Variants in POLDIP2 observed in about 807,000 individuals in gnomAD.
POLDIP2 encodes the protein polymerase delta-interacting protein 2.
In POLDIP2, 32 loss-of-function variants were observed where a neutral mutation model predicts 52.9. That is an observed-to-expected ratio of 0.61 (90% CI 0.46 to 0.81). The LOEUF (loss-of-function observed/expected upper bound fraction) is 0.81. Ranked by LOEUF, POLDIP2 falls within the 40% of genes least tolerant of loss-of-function variation. The pLI, the probability that POLDIP2 is intolerant of heterozygous loss-of-function variation, is 0.00. For missense variants in POLDIP2, 371 were observed against 477.3 expected, an observed-to-expected ratio of 0.78 and a Z score of 2.07; for synonymous variants, 183 against 183.0, an observed-to-expected ratio of 1.00 and a Z score of 0.00.
rs1555580548 is a variant in POLDIP2 at position 28,354,390 on chromosome 17, G to T, written c.341+98C>A. On this transcript the variant is annotated intron_variant, in intron 3 of 10. Coordinates refer to ENST00000540200, the MANE Select transcript of POLDIP2 (RefSeq NM_015584.5). ...GAAGTACTCTGGGGATGTTTCCAAGGCCTAGGAGGACGCTGTCTTCACCCC... is the reference window on the plus strand; with the variant it reads ...GAAGTACTCTGGGGATGTTTCCAAGTCCTAGGAGGACGCTGTCTTCACCCC... 4 of 831,846 alleles carry T rather than the reference G, an allele frequency of 4.8e-6. No individual in the cohort carries two copies. In the African/African-American group the frequency reaches 5.1e-5, roughly 11 times the overall value. The allele number at this position is 831,846 out of a possible 1,614,324, so 51.5% of individuals were successfully genotyped here. A position where few individuals can be genotyped will look rare whatever the true frequency, so the allele number is the denominator to read the frequency against.
intron 6 of POLDIP2, among the ~76,000 whole-genome samples, chr17:28,352,195 G>A (rs1367579703): frequency 6.6e-6 from 1 of 151,250 alleles, no homozygotes; most frequent in South Asian, 2.1e-4. Context: ...GCTCTAACAG[G>A]AGGTTGAAAA....
In POLDIP2 at chr17:28,350,760, A is replaced by G. The variant is rs782411707; in HGVS notation, c.786+6T>C. 1 of 1,596,958 alleles carries G rather than the reference A, an allele frequency of 6.3e-7. No individual in the cohort carries two copies. Among genetic ancestry groups the G allele is most frequent in the South Asian group, 1.1e-5 (1 of 87,942 alleles). ...AGCTCCCCTTCTCCCAGACAGTGAC[A>G]CTCACCCAGTACACGTGGGAATTCT... On this transcript the variant is annotated splice_donor_region_variant and intron_variant, in intron 8 of 10. Transcript: ENST00000540200.
chr17:28,353,321 G>A lies in POLDIP2; in HGVS notation c.439-5C>T, dbSNP rs1555580371. 3.9e-6 allele frequency: 6 copies of A among 1,535,986 alleles called. No homozygotes were observed. The Admixed American group carries it at 8.6e-5, about 22-fold the overall frequency. ...TTCTGTCTGAGATCTCTGAGACTAA[G>A]GCAAGAAGTGAATCAGTGGTGAAAC... On this transcript the variant is annotated splice_polypyrimidine_tract_variant and splice_region_variant and intron_variant, in intron 4 of 10. Coordinates refer to ENST00000540200, the MANE Select transcript of POLDIP2 (RefSeq NM_015584.5).
rs782300657 is a variant in POLDIP2, at chr17:28,350,748, CCAGA to C, written c.786+14_786+17del. 5.3e-5 allele frequency: 85 copies of C among 1,596,860 alleles called. No individual in the cohort carries two copies. Among genetic ancestry groups the C allele is most frequent in the South Asian group, 1.1e-4 (10 of 87,996 alleles). On this transcript the variant is annotated intron_variant, in intron 8 of 10. Coordinates refer to ENST00000540200, the MANE Select transcript of POLDIP2 (RefSeq NM_015584.5). ...GCACACCCCACAAGCTCCCCTTCTC[CCAGA>C]CAGTGACACTCACCCAGTACACGTG...
rs150639318 is a variant in POLDIP2 at position 28,346,937 on chromosome 17, CTG to C, written c.*1178_*1179del. 1.6e-3 allele frequency: 238 copies of C among 152,304 alleles called. 1 individual carries two copies. The highest frequency in any genetic ancestry group is 5.5e-3 in the African/African-American group (228 of 41,564). 9.4% of individuals were successfully genotyped at this position (152,304 alleles called of 1,614,324 possible). On this transcript the variant is annotated 3_prime_UTR_variant, in exon 11 of 11. Transcript: ENST00000540200. ...AAAGAATTTTTCCTTTATCACATAA[CTG>C]TAATATTTGGTTGCTCAGCATAAGT...
chr17:28,349,660 C>T, intron 9 of POLDIP2, among the ~76,000 whole-genome samples: 1 of 107,108 alleles, frequency 9.3e-6, no homozygotes, highest in East Asian at 2.7e-4. Flanking sequence ...GAGATATCCC[C>T]TCCAGTGTCC....
In POLDIP2 at chr17:28,350,751, G is replaced by C; in HGVS notation, c.786+15C>G. ...CACCCCACAAGCTCCCCTTCTCCCAGACAGTGACACTCACCCAGTACACGT... is the reference window on the plus strand; with the variant it reads ...CACCCCACAAGCTCCCCTTCTCCCACACAGTGACACTCACCCAGTACACGT... On this transcript the variant is annotated intron_variant, in intron 8 of 10. Transcript: ENST00000540200. 1 of 1,596,802 alleles carries C rather than the reference G, an allele frequency of 6.3e-7. No individual in the cohort carries two copies. The highest frequency in any genetic ancestry group is 8.5e-7 in the Non-Finnish European group (1 of 1,171,496).
chr17:28,355,406 G>C (rs782046230), intron 2 of POLDIP2, among the ~76,000 whole-genome samples: 1 of 152,196 alleles, frequency 6.6e-6, no homozygotes, highest in African/African-American at 2.4e-5. Context: ...TCGGGAGCTC[G>C]AGACCAGCCT....
Position 28,354,611 on chromosome 17 carries a change from A to T in POLDIP2, c.244-26T>A, listed in dbSNP as rs782667147. 27 of 1,462,648 alleles carry T rather than the reference A, an allele frequency of 1.8e-5. No individual in the cohort carries two copies. In the South Asian group the frequency reaches 3.2e-4, roughly 17 times the overall value. 90.6% of individuals were successfully genotyped at this position (1,462,648 alleles called of 1,614,324 possible). A position where few individuals can be genotyped will look rare whatever the true frequency, so the allele number is the denominator to read the frequency against. ...CTGGAAGGAAAGAGGGGCCTCAGTG[A>T]GTCTGCAGTCCAGCAAATCCATCCA... On this transcript the variant is annotated intron_variant, in intron 2 of 10. Transcript: ENST00000540200.
At chr17:28,356,010 C>G in intron 1 of POLDIP2, 134 bp from the exon 2 acceptor site, 1 of 662,482 alleles carries the variant, frequency 1.5e-6, no homozygotes, top group East Asian at 2.8e-5. Context: ...GTGGGACCAG[C>G]TGGAGCAGGA....
chr17:28,350,884 G>A (rs1907772371), intron 7 of POLDIP2, 92 bp from the exon 8 acceptor site: 1 of 1,073,610 alleles, frequency 9.3e-7, no homozygotes, highest in Non-Finnish European at 1.4e-6. Context: ...TGTATTCCAG[G>A]AAGGTTGCAG....
intron 9 of POLDIP2, 140 bp from the exon 10 acceptor site, chr17:28,349,302 A>G: frequency 3.3e-6 from 2 of 605,040 alleles, no homozygotes; most frequent in Non-Finnish European, 5.9e-6. Flanking sequence ...CTCCCATAGC[A>G]TGATACACTT....
chr17:28,353,099 C>G (rs146282012), intron 5 of POLDIP2, 80 bp from the exon 6 acceptor site: 1 of 758,892 alleles, frequency 1.3e-6, no homozygotes, highest in East Asian at 2.5e-5. Flanking sequence ...ATTAACTGGC[C>G]TTGTTCCAGT....
At chr17:28,357,111 T>G (rs1296759863) in intron 1 of POLDIP2, among the ~76,000 whole-genome samples, 177 bp downstream of exon 1, 3 of 152,064 alleles carry the variant, frequency 2.0e-5, no homozygotes, top group Admixed American at 2.0e-4. Flanking sequence ...CGCGCTGGCT[T>G]CCCTGCTCCT....
At chr17:28,356,258 T>C (rs1908023871) in intron 1 of POLDIP2, among the ~76,000 whole-genome samples, 1 of 152,036 alleles carries the variant, frequency 6.6e-6, no homozygotes, top group Non-Finnish European at 1.5e-5. Flanking sequence ...TTTTTTCTTC[T>C]TTTCTTACAT....
At chr17:28,351,515 T>G in intron 7 of POLDIP2, 149 bp downstream of exon 7, 2 of 730,646 alleles carry the variant, frequency 2.7e-6, no homozygotes, top group South Asian at 1.8e-5. Flanking sequence ...TAGAGGCTAC[T>G]CAACCCCACC....
At chr17:28,355,193 C>T (rs1416480566) in intron 2 of POLDIP2, among the ~76,000 whole-genome samples, 2 of 152,244 alleles carry the variant, frequency 1.3e-5, no homozygotes, top group African/African-American at 2.4e-5. Context: ...GAGAAATCTT[C>T]AGCAACTTGG....
At chr17:28,354,444 C>G (rs1432899753) in intron 3 of POLDIP2, 44 bp downstream of exon 3, 1 of 1,351,190 alleles carries the variant, frequency 7.4e-7, no homozygotes, top group Non-Finnish European at 1.0e-6. Context: ...TGTCTGCCAT[C>G]TCCTCCTGAG....
In POLDIP2 at chr17:28,354,580, GA is replaced by G; in HGVS notation, c.248del (p.Phe83SerfsTer44). On this transcript the variant is annotated frameshift_variant, in exon 3 of 11. Transcript: ENST00000540200. LOFTEE classifies it high-confidence loss of function. ...CTCGGTAGCCAAAAATGCTATGAAG[GA>G]AAAGCTGGAAGGAAAGAGGGGCCTC... The part of the protein sequence containing the change: ...QNGKYETGQL[F>X]LHSIFGYRGV... The G allele has an allele frequency of 6.4e-7, 1 of 1,554,586 alleles. No individual in the cohort carries two copies. The highest frequency in any genetic ancestry group is 8.7e-7 in the Non-Finnish European group (1 of 1,148,234).
Sources: allele counts gnomAD v4.1 joint callset (sites outside exome capture counted in the v4.1 genomes callset), GRCh38; gene constraint gnomAD v4.1.1; transcripts MANE v1.5; gene names NCBI Gene and HGNC (gene_info 2026-07-23, HGNC 2026-07-21).